CNGA3: variants seen among roughly 807,000 people sequenced by gnomAD.
CNGA3 encodes cyclic nucleotide-gated channel alpha-3.
Under a neutral mutation model 46.6 loss-of-function variants are expected in CNGA3, and 42 were observed. That is an observed-to-expected ratio of 0.90 (90% CI 0.70 to 1.17). The LOEUF is 1.17. CNGA3 is among the 50% of genes most tolerant of loss of function. The pLI is 0.00. For synonymous variants in CNGA3, 394 were observed against 369.4 expected (o/e 1.07, Z -0.76); for missense variants, 893 against 890.7 (o/e 1.00, Z -0.03).
rs749949335 is a variant in CNGA3 at position 98,396,426 on chromosome 2, C to T, written c.1256C>T (p.Ser419Phe). ...SRAEFQAKID[S>F]IKQYMQFRKV... Reference sequence around the variant, plus strand: ...GCAGAGTTCCAGGCCAAGATTGATTCCATCAAGCAGTACATGCAGTTCCGC... The same window carrying T: ...GCAGAGTTCCAGGCCAAGATTGATTTCATCAAGCAGTACATGCAGTTCCGC... Residue 419 changes from serine to phenylalanine, a missense_variant, in exon 8 of 8, where the codon TCC becomes TTC. Around this residue, in one of 3 missense-constraint regions of CNGA3, gnomAD observed 548 missense variants for 570.8 expected, o/e 0.96. Coordinates refer to ENST00000272602, the MANE Select transcript of CNGA3 (RefSeq NM_001298.3). 22 of 1,613,940 alleles carry T rather than the reference C, an allele frequency of 1.4e-5. No homozygotes were observed. The highest frequency in any genetic ancestry group is 1.9e-5 in the Non-Finnish European group (22 of 1,180,038).
At chr2:98,375,269 C>G (rs1223619508) in intron 2 of CNGA3, among the ~76,000 whole-genome samples, 1 of 152,244 alleles carries the variant, frequency 6.6e-6, no homozygotes, top group Non-Finnish European at 1.5e-5. Flanking sequence ...AGGAACCAGA[C>G]TACGCTAAAA....
At chr2:98,377,514 A>G in intron 2 of CNGA3, 173 bp from the exon 3 acceptor site, 1 of 657,850 alleles carries the variant, frequency 1.5e-6, no homozygotes, top group Non-Finnish European at 2.7e-6. Context: ...GTTTATACCA[A>G]AATCCAGAAT....
chr2:98,371,683 C>T (rs1378584525), intron 2 of CNGA3, among the ~76,000 whole-genome samples: 2 of 152,224 alleles, frequency 1.3e-5, no homozygotes, highest in Admixed American at 6.5e-5. Flanking sequence ...GCCTGCGTCG[C>T]ACCACTGGAG....
intron 4 of CNGA3, 101 bp downstream of exon 4, chr2:98,380,455 G>C (rs2104206430): frequency 7.1e-7 from 1 of 1,411,630 alleles, no homozygotes; most frequent in East Asian, 2.5e-5. Flanking sequence ...CAGGTGGCCT[G>C]GAACGTCATC....
At chr2:98,392,051 T>C in intron 7 of CNGA3, 81 bp downstream of exon 7, 1 of 1,240,442 alleles carries the variant, frequency 8.1e-7, no homozygotes. Context: ...GGATGGGACA[T>C]TACCTACCCT....
intron 1 of CNGA3, among the ~76,000 whole-genome samples, chr2:98,347,667 G>T (rs1016552409): frequency 8.5e-5 from 13 of 152,272 alleles, no homozygotes; most frequent in African/African-American, 3.1e-4. Context: ...CTCAGGCCTC[G>T]CCGGAAGCTG....
At chr2:98,355,226 T>G (rs1265850760) in intron 1 of CNGA3, among the ~76,000 whole-genome samples, 2 of 152,216 alleles carry the variant, frequency 1.3e-5, no homozygotes, top group Non-Finnish European at 2.9e-5. Context: ...GTTGAGAACT[T>G]TTGCATATTA....
chr2:98,361,327 A>G (rs1409901529), intron 1 of CNGA3, among the ~76,000 whole-genome samples: 1 of 152,138 alleles, frequency 6.6e-6, no homozygotes, highest in African/African-American at 2.4e-5. Context: ...AATGGCTTCC[A>G]GCTCCATCCA....
chr2:98,382,988 C>A (rs534351941), intron 4 of CNGA3, among the ~76,000 whole-genome samples: 1 of 152,342 alleles, frequency 6.6e-6, no homozygotes, highest in African/African-American at 2.4e-5. Flanking sequence ...CCTCCTCCAC[C>A]ACAGAGGCAT....
intron 1 of CNGA3, among the ~76,000 whole-genome samples, chr2:98,348,109 T>A (rs1691684227): frequency 6.6e-6 from 1 of 152,126 alleles, no homozygotes; most frequent in Non-Finnish European, 1.5e-5. Context: ...CTTCTTTGCG[T>A]TCTTTGGGGT....
intron 2 of CNGA3, among the ~76,000 whole-genome samples, chr2:98,371,206 T>C (rs1692279294): frequency 6.6e-6 from 1 of 152,122 alleles, no homozygotes; most frequent in Non-Finnish European, 1.5e-5. Flanking sequence ...TTTTGCCCTA[T>C]ATATATAGAA....
At chr2:98,356,353 ACTTCTGAGAAGT>A (rs1691879475) in intron 1 of CNGA3, among the ~76,000 whole-genome samples, 1 of 92,958 alleles carries the variant, frequency 1.1e-5, no homozygotes, top group Admixed American at 1.6e-4. Flanking sequence ...TGAGAAGATT[ACTTCTGAGAAGT>A]AAGATAGAAG....
At chr2:98,381,999 A>G (rs1304967455) in intron 4 of CNGA3, among the ~76,000 whole-genome samples, 2 of 152,194 alleles carry the variant, frequency 1.3e-5, no homozygotes, top group Non-Finnish European at 2.9e-5. Flanking sequence ...ACCTTCCTAC[A>G]TCCTTAGAGA....
rs372215423 is a variant in CNGA3, at chr2:98,396,978, G to A, written c.1808G>A (p.Arg603Gln). The A allele has an allele frequency of 8.7e-6, 14 of 1,613,958 alleles. No homozygotes were observed. The highest frequency in any genetic ancestry group is 1.1e-5 in the South Asian group (1 of 91,082). ...AAGAAGGCCCTGGAGGAGAAAGGAC[G>A]GCAGATCCTGATGAAAGACAACCTG... ...EAKKALEEKG[R>Q]QILMKDNLID... The change falls in exon 8 of 8, where the codon CGG (arginine) becomes CAG (glutamine). Residue 603 changes from arginine to glutamine, a missense_variant. Coordinates refer to ENST00000272602, the MANE Select transcript of CNGA3 (RefSeq NM_001298.3).
chr2:98,391,486 C>T (rs1322655541), intron 6 of CNGA3, among the ~76,000 whole-genome samples: 2 of 152,198 alleles, frequency 1.3e-5, no homozygotes, highest in African/African-American at 4.8e-5. Context: ...TTGTTAATCT[C>T]TCGGAAATTC....
chr2:98,391,969 A>G lies in CNGA3; in HGVS notation c.672A>G (p.Thr224=). The change falls in exon 7 of 8, where the codon ACA becomes ACG. Residue 224 remains threonine (T), a splice_region_variant and synonymous_variant. Coordinates refer to ENST00000272602, the MANE Select transcript of CNGA3 (RefSeq NM_001298.3). ...YVLDVLVRAR[T]GFLEQGLMVS... ...TGGATGTGCTTGTACGAGCTCGGAC[A>G]GGTGAGTGTGCCCCAGGCCTGGGGA... 1.2e-6 allele frequency: 2 copies of G among 1,613,522 alleles called. No homozygotes were observed.
chr2:98,370,761 T>C (rs1255846273), intron 2 of CNGA3, among the ~76,000 whole-genome samples: 1 of 152,262 alleles, frequency 6.6e-6, no homozygotes, highest in African/African-American at 2.4e-5. Flanking sequence ...CCTGGTATAA[T>C]AGTGAGGACA....
chr2:98,378,780 C>G (rs777742327), intron 3 of CNGA3, among the ~76,000 whole-genome samples: 2 of 152,230 alleles, frequency 1.3e-5, no homozygotes, highest in Non-Finnish European at 2.9e-5. Flanking sequence ...CACAAGCTAT[C>G]TCAGGGAAAC....
At chr2:98,382,495 T>C (rs1692561695) in intron 4 of CNGA3, among the ~76,000 whole-genome samples, 1 of 152,202 alleles carries the variant, frequency 6.6e-6, no homozygotes, top group African/African-American at 2.4e-5. Flanking sequence ...GTCATCATAA[T>C]GGCATTTATT....
Sources: gnomAD v4.1 joint callset for allele counts (sites outside exome capture counted in the v4.1 genomes callset) on GRCh38, gnomAD v4.1.1 for gene constraint, gnomAD v4.1.1 regional missense constraint, MANE v1.5 for transcripts, NCBI Gene and HGNC (gene_info 2026-07-23, HGNC 2026-07-21) for gene names.